The following JAM3 variants were observed in gnomAD, a reference collection of about 807,000 sequenced individuals.
JAM3 encodes junctional adhesion molecule C.
Under a neutral mutation model 39.4 loss-of-function variants are expected in JAM3, and 31 were observed. The ratio of observed to expected loss-of-function variants is 0.79; its 90% CI spans 0.59 to 1.06. The LOEUF (loss-of-function observed/expected upper bound fraction) is 1.06. Among genes scored for constraint, JAM3 ranks in the 50% least tolerant of loss-of-function variants. JAM3 has a pLI of 0.00. For synonymous variants in JAM3, 182 were observed against 148.7 expected (o/e 1.22, Z -1.63); for missense variants, 455 against 391.4 (o/e 1.16, Z -1.37).
chr11:134,106,966 G>T (rs1228904191), intron 1 of JAM3, among the ~76,000 whole-genome samples: 1 of 152,108 alleles, frequency 6.6e-6, no homozygotes, highest in African/African-American at 2.4e-5. Flanking sequence ...TTTTGACCCA[G>T]CCATTCCATT....
At chr11:134,097,533 TATTG>T (rs1310457680) in intron 1 of JAM3, among the ~76,000 whole-genome samples, 3 of 152,210 alleles carry the variant, frequency 2.0e-5, no homozygotes, top group Non-Finnish European at 4.4e-5. Flanking sequence ...TCTCACATCT[TATTG>T]ATACTGGGTT....
intron 1 of JAM3, among the ~76,000 whole-genome samples, chr11:134,108,050 C>T (rs1466936602): frequency 1.3e-5 from 2 of 151,764 alleles, no homozygotes; most frequent in East Asian, 1.9e-4. Flanking sequence ...AATTAAGAAA[C>T]CTCTACTAGA....
At chr11:134,139,981 C>T in intron 2 of JAM3, 65 bp downstream of exon 2, 1 of 1,202,066 alleles carries the variant, frequency 8.3e-7, no homozygotes, top group South Asian at 1.2e-5. Context: ...GTCTTGCAGC[C>T]AACTCAGGAC....
intron 6 of JAM3, chr11:134,147,696 C>CA (rs1943103850): frequency 6.7e-6 from 1 of 150,074 alleles, no homozygotes; most frequent in Non-Finnish European, 1.5e-5. Context: ...CCACCTTAGC[C>CA]AGGATGGTCT....
At chr11:134,133,917 C>A (rs368063505) in intron 1 of JAM3, among the ~76,000 whole-genome samples, 2 of 152,144 alleles carry the variant, frequency 1.3e-5, no homozygotes, top group African/African-American at 4.8e-5. Context: ...AGCATCAGAA[C>A]TCTGATATGG....
chr11:134,118,462 G>C (rs771404111), intron 1 of JAM3, among the ~76,000 whole-genome samples: 1 of 152,146 alleles, frequency 6.6e-6, no homozygotes, highest in African/African-American at 2.4e-5. Flanking sequence ...TTCTCCCTGA[G>C]TTACTGAAAA....
chr11:134,125,020 G>A (rs1942618025), intron 1 of JAM3, among the ~76,000 whole-genome samples: 1 of 152,170 alleles, frequency 6.6e-6, no homozygotes, highest in Non-Finnish European at 1.5e-5. Flanking sequence ...CGCGACACCC[G>A]CCCGGTGGCG....
In JAM3 at chr11:134,113,788, A is replaced by G. The variant is rs528380164; in HGVS notation, c.77-26063A>G. 5.9e-5 allele frequency among the ~76,000 whole-genome samples: 9 copies of G among 152,300 alleles called. No homozygotes were observed. In the South Asian group the frequency reaches 1.2e-3, roughly 21 times the overall value. ...GCCACACTGTCTTCCACAACGGTTG[A>G]ACTAGTTTACAGTCCCACCAACAGT... On this transcript the variant is annotated intron_variant, in intron 1 of 8. Transcript: ENST00000299106.
chr11:134,094,594 A>G (rs1158232903), intron 1 of JAM3, among the ~76,000 whole-genome samples: 6 of 149,728 alleles, frequency 4.0e-5, no homozygotes, highest in Non-Finnish European at 7.4e-5. Context: ...TCCACCTTAC[A>G]TGTCACTTCC....
intron 1 of JAM3, among the ~76,000 whole-genome samples, chr11:134,095,114 A>G (rs938976560): frequency 2.6e-5 from 4 of 152,238 alleles, no homozygotes; most frequent in Non-Finnish European, 5.9e-5. Flanking sequence ...AACTGTCAGC[A>G]TTAGGTCTGT....
chr11:134,144,005 ATGGTAATGAG>A (rs1943022764), intron 3 of JAM3, among the ~76,000 whole-genome samples: 1 of 152,182 alleles, frequency 6.6e-6, no homozygotes. Flanking sequence ...ACGGAGACAC[ATGGTAATGAG>A]TGTGTCTTGC....
intron 4 of JAM3, 51 bp downstream of exon 4, chr11:134,144,444 CAGTT>C (rs767024827): frequency 1.3e-5 from 21 of 1,598,228 alleles, no homozygotes; most frequent in African/African-American, 5.4e-5. Context: ...TGCAAGAGAT[CAGTT>C]AGTGTCTTGG....
chr11:134,115,573 T>A (rs1185074436), intron 1 of JAM3, among the ~76,000 whole-genome samples: 1 of 152,168 alleles, frequency 6.6e-6, no homozygotes, highest in Non-Finnish European at 1.5e-5. Context: ...TGAGTTTATC[T>A]GATGTTTTCT....
rs956813561 is a variant in JAM3, at chr11:134,149,974, T to C, written c.*793T>C. Reference sequence around the variant, plus strand: ...TATTTTGATTATTGAAAAGAAAATTTCTATTTAAACTGTAAATATATTGTC... The same window carrying C: ...TATTTTGATTATTGAAAAGAAAATTCCTATTTAAACTGTAAATATATTGTC... On this transcript the variant is annotated 3_prime_UTR_variant, in exon 9 of 9. Coordinates refer to ENST00000299106, the MANE Select transcript of JAM3 (RefSeq NM_032801.5). 1.2e-5 allele frequency: 2 copies of C among 168,128 alleles called. No homozygotes were observed. The highest frequency in any genetic ancestry group is 4.8e-5 in the African/African-American group (2 of 41,656). 10.4% of individuals were successfully genotyped at this position (168,128 alleles called of 1,614,324 possible).
At chr11:134,104,653 TAAA>T (rs1166493769) in intron 1 of JAM3, among the ~76,000 whole-genome samples, 1 of 151,964 alleles carries the variant, frequency 6.6e-6, no homozygotes, top group Non-Finnish European at 1.5e-5. Flanking sequence ...ATAGATGCAA[TAAA>T]AAATGATAAA....
intron 6 of JAM3, among the ~76,000 whole-genome samples, chr11:134,147,459 C>CAAAAAAAAAAG (rs1943095072): frequency 1.4e-5 from 1 of 70,874 alleles, no homozygotes; most frequent in African/African-American, 4.9e-5. Context: ...GACTCTGTCT[C>CAAAAAAAAAAG]AAAAAAAAAA....
Position 134,075,049 on chromosome 11 carries a change from G to A in JAM3, c.76+5890G>A, listed in dbSNP as rs374945953. 9.4e-5 allele frequency among the ~76,000 whole-genome samples: 14 copies of A among 148,706 alleles called. No individual in the cohort carries two copies. The East Asian group carries it at 2.0e-3, about 21-fold the overall frequency. On this transcript the variant is annotated intron_variant, in intron 1 of 8. Coordinates refer to ENST00000299106, the MANE Select transcript of JAM3 (RefSeq NM_032801.5). ...TTTTTCCTTTAAAGCATCTCTGTCA[G>A]GGTACTGAAACTTAATCAGCCAATC...
chr11:134,151,668 T>A lies in JAM3; in HGVS notation c.*2487T>A, dbSNP rs1394967733. 6.6e-6 allele frequency: 1 copy of A among 152,222 alleles called. No individual in the cohort carries two copies. The highest frequency in any genetic ancestry group is 2.4e-5 in the African/African-American group (1 of 41,450). 9.4% of individuals were successfully genotyped at this position (152,222 alleles called of 1,614,324 possible). On this transcript the variant is annotated 3_prime_UTR_variant, in exon 9 of 9. Transcript: ENST00000299106. The stretch of plus-strand genomic sequence containing the variant: ...GATTCTGCCTTTGGATGGATGTTGC[T>A]GTACACAGATGCTACAGACTTGTAC...
chr11:134,124,125 T>C, intron 1 of JAM3: 2 of 1,492,686 alleles, frequency 1.3e-6, no homozygotes, highest in African/African-American at 1.4e-5. Flanking sequence ...AGCTCCATCA[T>C]CAAATGGCCA....
Sources: gnomAD v4.1 joint callset for allele counts (sites outside exome capture counted in the v4.1 genomes callset) on GRCh38, gnomAD v4.1.1 for gene constraint, MANE v1.5 for transcripts, NCBI Gene and HGNC (gene_info 2026-07-23, HGNC 2026-07-21) for gene names.